Variants in ADAMTSL3 observed in about 807,000 individuals in gnomAD.
ADAMTSL3 encodes the protein ADAMTS like 3, also known as ADAMTS-like protein 3.
In ADAMTSL3, 128 loss-of-function variants were observed where a neutral mutation model predicts 201.7. The observed-to-expected ratio is 0.63, with a 90% CI of 0.55 to 0.73. The LOEUF (loss-of-function observed/expected upper bound fraction) is 0.73, where lower values mean the gene tolerates loss of function less well. Among genes scored for constraint, ADAMTSL3 ranks in the 30% least tolerant of loss-of-function variants. The probability of loss-of-function intolerance (pLI) is 0.00; values close to 1 mark genes in which losing one functional copy is unlikely to be tolerated. For missense variants in ADAMTSL3, 1,990 were observed against 2,119.6 expected, an observed-to-expected ratio of 0.94 and a Z score of 1.20; for synonymous variants, 738 against 748.4, an observed-to-expected ratio of 0.99 and a Z score of 0.23.
At chr15:83,658,224 C>T (rs1219709024) in intron 2 of ADAMTSL3, among the ~76,000 whole-genome samples, 1 of 152,174 alleles carries the variant, frequency 6.6e-6, no homozygotes, top group East Asian at 1.9e-4. Context: ...ATTCTCGTGT[C>T]TCAGCCTCTG....
intron 2 of ADAMTSL3, among the ~76,000 whole-genome samples, chr15:83,685,572 T>A (rs2141437312): frequency 6.6e-6 from 1 of 152,336 alleles, no homozygotes; most frequent in Non-Finnish European, 1.5e-5. Flanking sequence ...TATTTTCTTC[T>A]AAATGTTTAA....
intron 16 of ADAMTSL3, among the ~76,000 whole-genome samples, chr15:83,917,216 C>T (rs2066049832): frequency 6.6e-6 from 1 of 152,204 alleles, no homozygotes; most frequent in Admixed American, 6.5e-5. Flanking sequence ...ATTTTGGTCA[C>T]ATTCTGATAT....
chr15:83,812,457 C>G (rs2063713693), intron 5 of ADAMTSL3, among the ~76,000 whole-genome samples: 2 of 152,194 alleles, frequency 1.3e-5, no homozygotes, highest in Non-Finnish European at 2.9e-5. Flanking sequence ...TACTTGCCCC[C>G]TGATTCAAAC....
At chr15:83,809,189 A>C (rs996956824) in intron 5 of ADAMTSL3, among the ~76,000 whole-genome samples, 31 of 152,328 alleles carry the variant, frequency 2.0e-4, no homozygotes, top group African/African-American at 7.5e-4. Context: ...GAACATGCTA[A>C]TGACCCTAAT....
At chr15:83,795,645 G>A (rs1319259206) in intron 4 of ADAMTSL3, among the ~76,000 whole-genome samples, 1 of 152,082 alleles carries the variant, frequency 6.6e-6, no homozygotes, top group Middle Eastern at 3.2e-3. Flanking sequence ...TTCCACGTTG[G>A]AACAGTGGAC....
chr15:83,869,186 A>T (rs1204469273), intron 8 of ADAMTSL3, among the ~76,000 whole-genome samples: 4 of 152,126 alleles, frequency 2.6e-5, no homozygotes, highest in African/African-American at 7.2e-5. Flanking sequence ...TTGCATCTTA[A>T]TATTGCCTTA....
chr15:83,716,105 T>C (rs2062014042), intron 3 of ADAMTSL3, among the ~76,000 whole-genome samples: 1 of 152,236 alleles, frequency 6.6e-6, no homozygotes, highest in Non-Finnish European at 1.5e-5. Flanking sequence ...ATGACTTTTC[T>C]GCAATTCCCA....
chr15:83,831,635 T>C (rs2064159120), intron 6 of ADAMTSL3, among the ~76,000 whole-genome samples: 1 of 152,108 alleles, frequency 6.6e-6, no homozygotes, highest in Admixed American at 6.6e-5. Flanking sequence ...CTCAAGTGAT[T>C]CTCCCATCTC....
At chr15:83,805,851 T>C (rs991633649) in intron 5 of ADAMTSL3, among the ~76,000 whole-genome samples, 4 of 152,158 alleles carry the variant, frequency 2.6e-5, no homozygotes, top group African/African-American at 9.7e-5. Context: ...CCTCTACTAC[T>C]CCATCTCCCC....
In ADAMTSL3 at chr15:83,886,671, A is replaced by G. The variant is rs879908172; in HGVS notation, c.1072+1459A>G. ...CTTCTCCAGCCCAGCCTAGCTCCACATCTTTTCAATCCTTGAAGCCTACCG... is the reference window on the plus strand; with the variant it reads ...CTTCTCCAGCCCAGCCTAGCTCCACGTCTTTTCAATCCTTGAAGCCTACCG... On this transcript the variant is annotated intron_variant, in intron 10 of 29. Coordinates refer to ENST00000286744, the MANE Select transcript of ADAMTSL3 (RefSeq NM_207517.3). Among the ~76,000 whole-genome samples, 4 of 152,218 alleles carry G rather than the reference A, an allele frequency of 2.6e-5. 1 individual carries two copies. The highest frequency in any genetic ancestry group is 4.4e-5 in the Non-Finnish European group (3 of 68,032).
intron 23 of ADAMTSL3, among the ~76,000 whole-genome samples, chr15:84,008,623 C>T (rs2067942653): frequency 6.6e-6 from 1 of 152,138 alleles, no homozygotes; most frequent in Admixed American, 6.5e-5. Context: ...ATACTCTCTC[C>T]CTATTGGTCC....
chr15:83,822,986 A>G (rs1461764505), intron 6 of ADAMTSL3, among the ~76,000 whole-genome samples: 6 of 151,984 alleles, frequency 3.9e-5, no homozygotes, highest in South Asian at 2.1e-4. Context: ...CGCGGTTAGG[A>G]GCTGGAGACC....
chr15:83,688,749 T>C (rs2061570362), intron 2 of ADAMTSL3, among the ~76,000 whole-genome samples: 1 of 48,936 alleles, frequency 2.0e-5, no homozygotes, highest in African/African-American at 7.1e-5. Context: ...TACACATGCA[T>C]ATATATACAC....
chr15:83,706,019 T>C (rs1434510850), intron 3 of ADAMTSL3, among the ~76,000 whole-genome samples: 1 of 152,222 alleles, frequency 6.6e-6, no homozygotes, highest in African/African-American at 2.4e-5. Context: ...TGGTTGCTAA[T>C]AGGGGCTAAA....
chr15:83,982,042 G>A (rs1033943563), intron 20 of ADAMTSL3, among the ~76,000 whole-genome samples: 1 of 152,058 alleles, frequency 6.6e-6, no homozygotes, highest in Admixed American at 6.5e-5. Flanking sequence ...ACATTTTCAT[G>A]CACCTCATTC....
chr15:83,751,795 T>G (rs1596140437), intron 3 of ADAMTSL3, among the ~76,000 whole-genome samples: 1 of 152,144 alleles, frequency 6.6e-6, no homozygotes, highest in East Asian at 1.9e-4. Context: ...TAACCCCAGG[T>G]GTGAAAAAAT....
intron 3 of ADAMTSL3, among the ~76,000 whole-genome samples, chr15:83,771,027 C>T (rs954296873): frequency 6.6e-6 from 1 of 152,154 alleles, no homozygotes; most frequent in Non-Finnish European, 1.5e-5. Context: ...GCTGAGATCA[C>T]ATCACTGCAC....
At chr15:83,880,289 A>G (rs1460297047) in intron 9 of ADAMTSL3, among the ~76,000 whole-genome samples, 1 of 151,924 alleles carries the variant, frequency 6.6e-6, no homozygotes, top group East Asian at 1.9e-4. Context: ...TCTAATTTCC[A>G]CTTTCTTTTT....
In ADAMTSL3 at chr15:83,982,621, CTG is replaced by C; in HGVS notation, c.2994_2995del (p.Asp999GlnfsTer26). The C allele has an allele frequency of 3.7e-6, 6 of 1,614,214 alleles. No homozygotes were observed. Among genetic ancestry groups the C allele is most frequent in the Non-Finnish European group, 5.1e-6 (6 of 1,180,046 alleles). On this transcript the variant is annotated frameshift_variant, in exon 21 of 30. Transcript: ENST00000286744. LOFTEE classifies it high-confidence loss of function. Reference sequence around the variant, plus strand: ...ACAGTTGTGCTCAAGCTCATTGGTACTGACAACCGGCTCATCGCACGCCCAGC... The same window carrying C: ...ACAGTTGTGCTCAAGCTCATTGGTACACAACCGGCTCATCGCACGCCCAGC...
Sources: gnomAD v4.1 joint callset for allele counts (sites outside exome capture counted in the v4.1 genomes callset) on GRCh38, gnomAD v4.1.1 for gene constraint, MANE v1.5 for transcripts, NCBI Gene and HGNC (gene_info 2026-07-23, HGNC 2026-07-21) for gene names.